The following RANBP2 variants were observed in gnomAD, a reference collection of about 807,000 sequenced individuals.
The protein encoded by RANBP2 is RAN binding protein 2.
Under a neutral mutation model 303.6 loss-of-function variants are expected in RANBP2, and 57 were observed. The ratio of observed to expected loss-of-function variants is 0.19; its 90% confidence interval spans 0.15 to 0.23. The LOEUF (loss-of-function observed/expected upper bound fraction) is 0.23, where lower values mean the gene tolerates loss of function less well. RANBP2 is among the 10% of genes least tolerant of loss of function. The probability of loss-of-function intolerance (pLI) is 1.00; values close to 1 mark genes in which losing one functional copy is unlikely to be tolerated. For synonymous variants in RANBP2, 1,167 were observed against 1,301.5 expected, an observed-to-expected ratio of 0.90 and a Z score of 2.23; for missense variants, 3,138 against 3,780.8, an observed-to-expected ratio of 0.83 and a Z score of 4.46.
the RANBP2 span, chr2:109,504,474 C>G: frequency 6.6e-6 from 1 of 151,768 alleles, no homozygotes; most frequent in African/African-American, 2.4e-5. Flanking sequence ...ACTGGGAGAT[C>G]CTTTGTACTT....
the RANBP2 span, among the ~76,000 whole-genome samples, chr2:109,636,637 T>C: frequency 2.6e-5 from 4 of 152,140 alleles, no homozygotes; most frequent in Non-Finnish European, 5.9e-5. Context: ...GAATAAGATC[T>C]GAAGATTAAA....
chr2:108,873,979 C>T, the RANBP2 span, among the ~76,000 whole-genome samples: 26 of 152,060 alleles, frequency 1.7e-4, no homozygotes, highest in Non-Finnish European at 2.8e-4. Context: ...GATCTAAGAC[C>T]ACATATTTAG....
the RANBP2 span, among the ~76,000 whole-genome samples, chr2:108,843,289 C>G: frequency 6.6e-6 from 1 of 152,108 alleles, no homozygotes; most frequent in Non-Finnish European, 1.5e-5. Flanking sequence ...TCCCAAGTAG[C>G]TGGGATTACA....
At chr2:109,598,872 T>C in the RANBP2 span, among the ~76,000 whole-genome samples, 2 of 151,498 alleles carry the variant, frequency 1.3e-5, no homozygotes, top group East Asian at 3.9e-4. Context: ...AGAGTGAGAC[T>C]AGGTCTCAAA....
At chr2:109,714,017 G>A in the RANBP2 span, among the ~76,000 whole-genome samples, 21 of 152,340 alleles carry the variant, frequency 1.4e-4, no homozygotes, top group African/African-American at 4.8e-4. Context: ...CAGGCCCGTA[G>A]GACTGCCCCC....
the RANBP2 span, among the ~76,000 whole-genome samples, chr2:109,412,285 T>C: frequency 6.6e-6 from 1 of 152,248 alleles, no homozygotes; most frequent in Admixed American, 6.5e-5. Context: ...CATTGGAGTA[T>C]GGCTTGAGCA....
the RANBP2 span, among the ~76,000 whole-genome samples, chr2:109,277,169 G>A: frequency 1.3e-5 from 2 of 152,144 alleles, no homozygotes; most frequent in Non-Finnish European, 2.9e-5. Flanking sequence ...TCTTCATTAC[G>A]TAGTTAGAAA....
chr2:109,136,219 G>A, the RANBP2 span, among the ~76,000 whole-genome samples: 1 of 150,598 alleles, frequency 6.6e-6, no homozygotes, highest in Non-Finnish European at 1.5e-5. Context: ...TCTTTTTTGA[G>A]GTGCATTAAA....
chr2:109,547,183 A>G, the RANBP2 span, among the ~76,000 whole-genome samples: 1 of 152,120 alleles, frequency 6.6e-6, no homozygotes, highest in African/African-American at 2.4e-5. Context: ...TCTGCCAGCT[A>G]TGTGCCTTCC....
At chr2:109,012,439 C>T in the RANBP2 span, among the ~76,000 whole-genome samples, 13 of 152,288 alleles carry the variant, frequency 8.5e-5, no homozygotes, top group East Asian at 2.5e-3. Flanking sequence ...AATCTCCTCC[C>T]ACGCTCCTTT....
At chr2:109,690,000 C>A in the RANBP2 span, among the ~76,000 whole-genome samples, 1 of 152,120 alleles carries the variant, frequency 6.6e-6, no homozygotes, top group African/African-American at 2.4e-5. Flanking sequence ...TATGCACGTA[C>A]GGCACAAAGA....
the RANBP2 span, among the ~76,000 whole-genome samples, chr2:108,935,606 C>T: frequency 1.3e-5 from 2 of 152,314 alleles, no homozygotes; most frequent in African/African-American, 4.8e-5. Context: ...TAAGTTCTGG[C>T]CTTCTTCCAA....
chr2:108,808,270 G>T, the RANBP2 span, among the ~76,000 whole-genome samples: 11 of 152,252 alleles, frequency 7.2e-5, no homozygotes, highest in Admixed American at 2.6e-4. Context: ...GGACACATAG[G>T]TTGGCTACTT....
chr2:109,435,492 G>A, the RANBP2 span, among the ~76,000 whole-genome samples: 1 of 152,234 alleles, frequency 6.6e-6, no homozygotes, highest in African/African-American at 2.4e-5. Flanking sequence ...TGAAGTGCTG[G>A]TGGGCTCTCG....
At chr2:109,199,329 A>AATAAAATAAATAAAATAAAT in the RANBP2 span, among the ~76,000 whole-genome samples, 4 of 1,076 alleles carry the variant, frequency 3.7e-3, no homozygotes, top group African/African-American at 0.012. Context: ...CTCAAAAAGT[A>AATAAAATAAATAAAATAAAT]AAATGGAATG....
At chr2:109,732,751 A>G in the RANBP2 span, 1 of 746,272 alleles carries the variant, frequency 1.3e-6, no homozygotes, top group Non-Finnish European at 2.4e-6. Context: ...GCAATCTTGG[A>G]AACAATGGCA....
chr2:109,714,045 TAAGTA>T, the RANBP2 span, among the ~76,000 whole-genome samples: 1 of 152,222 alleles, frequency 6.6e-6, no homozygotes, highest in Non-Finnish European at 1.5e-5. Context: ...ACGCCAATCA[TAAGTA>T]GTAGATTACC....
the RANBP2 span, among the ~76,000 whole-genome samples, chr2:109,269,137 G>C: frequency 6.6e-6 from 1 of 152,228 alleles, no homozygotes; most frequent in Non-Finnish European, 1.5e-5. Context: ...CATTGGAAGC[G>C]TGGGCATCAT....
chr2:109,085,885 G>A, the RANBP2 span, among the ~76,000 whole-genome samples: 2 of 152,108 alleles, frequency 1.3e-5, no homozygotes, highest in Non-Finnish European at 2.9e-5. Flanking sequence ...GATTACAGGT[G>A]TGAGCCACCA....
Sources: allele counts gnomAD v4.1 joint callset (sites outside exome capture counted in the v4.1 genomes callset), GRCh38; gene constraint gnomAD v4.1.1; transcripts MANE v1.5; gene names NCBI Gene and HGNC (gene_info 2026-07-23, HGNC 2026-07-21).